The following SYNE1 variants were observed in gnomAD, a reference collection of about 807,000 sequenced individuals.
The protein encoded by SYNE1 is spectrin repeat containing nuclear envelope protein 1, also known as nesprin-1.
In SYNE1, 616 loss-of-function variants were observed where a neutral mutation model predicts 1,111.0. The ratio of observed to expected loss-of-function variants is 0.55; its 90% CI spans 0.52 to 0.59. The LOEUF (loss-of-function observed/expected upper bound fraction) is 0.59, where lower values mean the gene tolerates loss of function less well. Ranked by LOEUF, SYNE1 falls within the 20% of genes least tolerant of loss-of-function variation. The pLI is 0.00. For missense variants in SYNE1, 10,006 were observed against 10,417.0 expected, an observed-to-expected ratio of 0.96 and a Z score of 1.72; for synonymous variants, 3,855 against 3,825.8, an observed-to-expected ratio of 1.01 and a Z score of -0.28.
At chr6:152,267,298 C>T (rs2092804936) in intron 100 of SYNE1, among the ~76,000 whole-genome samples, 1 of 152,070 alleles carries the variant, frequency 6.6e-6, no homozygotes, top group African/African-American at 2.4e-5. Context: ...ACAGAGGTTG[C>T]ATGAAAACTT....
At chr6:152,152,891 G>GTAAATTTACC (rs2060704005) in intron 133 of SYNE1, among the ~76,000 whole-genome samples, 1 of 152,108 alleles carries the variant, frequency 6.6e-6, no homozygotes, top group Admixed American at 6.6e-5. Flanking sequence ...CCCAGGGTCA[G>GTAAATTTACC]TTTAGAGATT....
chr6:152,245,324 C>T (rs1470800865), intron 105 of SYNE1, among the ~76,000 whole-genome samples: 1 of 152,174 alleles, frequency 6.6e-6, no homozygotes, highest in Non-Finnish European at 1.5e-5. Context: ...AAGTACTATA[C>T]TCGATAATGC....
rs749642435 is a variant in SYNE1 at position 152,276,030 on chromosome 6, C to CT, written c.18573+2058dup. On this transcript the variant is annotated intron_variant, in intron 98 of 145. Transcript: ENST00000367255. ...TGTAAAAACTATAAATTCTCGACTT[C>CT]TTTTTTTTTTTTTTTTTTTTTTGAG... Among the ~76,000 whole-genome samples, 398 of 83,982 alleles carry CT rather than the reference C, an allele frequency of 4.7e-3. 3 individuals are homozygous for CT. The highest frequency in any genetic ancestry group is 6.1e-3 in the East Asian group (10 of 1,636). The allele number at this position is 83,982 out of a possible 152,430, so 55.1% of individuals were successfully genotyped here. A position where few individuals can be genotyped will look rare whatever the true frequency, so the allele number is the denominator to read the frequency against.
At chr6:152,504,220 C>A (rs1041193007) in intron 9 of SYNE1, among the ~76,000 whole-genome samples, 2 of 152,006 alleles carry the variant, frequency 1.3e-5, no homozygotes, top group Non-Finnish European at 2.9e-5. Context: ...AGGCAGAAAG[C>A]CCTTTGATAT....
chr6:152,498,598 T>C (rs2099011988), intron 11 of SYNE1, 144 bp downstream of exon 11: 1 of 507,040 alleles, frequency 2.0e-6, no homozygotes, highest in Non-Finnish European at 3.4e-6. Context: ...ATTTGTTCTG[T>C]TAGAAAGGAA....
intron 110 of SYNE1, among the ~76,000 whole-genome samples, chr6:152,235,231 G>A (rs1390565506): frequency 1.3e-5 from 2 of 152,130 alleles, no homozygotes; most frequent in Non-Finnish European, 2.9e-5. Flanking sequence ...GCTTTACTGT[G>A]ATATCTCAGA....
At position 152,407,044 on chromosome 6, in the gene SYNE1, G is replaced by T; in HGVS notation, c.6693C>A (p.Leu2231=). 1.9e-6 allele frequency: 3 copies of T among 1,613,520 alleles called. No homozygotes were observed. Among genetic ancestry groups the T allele is most frequent in the Non-Finnish European group, 2.5e-6 (3 of 1,179,960 alleles). ...ATTCTTTAAGCAGTTCTTCAGCTCT[G>T]AGGTGGTTATCCAGGTTGCTGATGT... ...AENISNLDNH[L]RAEELLKEFE... Residue 2231 remains leucine, a synonymous_variant, in exon 45 of 146, where the codon CTC becomes CTA. Coordinates refer to ENST00000367255, the MANE Select transcript of SYNE1 (RefSeq NM_182961.4).
intron 130 of SYNE1, among the ~76,000 whole-genome samples, chr6:152,169,388 C>T (rs1199381624): frequency 2.0e-5 from 3 of 151,622 alleles, no homozygotes; most frequent in South Asian, 2.1e-4. Context: ...CTGTGAAACC[C>T]TGTCTCTACT....
Position 152,250,206 on chromosome 6 carries a change from G to T in SYNE1, c.19471-944C>A, listed in dbSNP as rs191273090. 1.6e-3 allele frequency among the ~76,000 whole-genome samples: 240 copies of T among 151,884 alleles called. 1 individual carries two copies. Among genetic ancestry groups the T allele is most frequent in the African/African-American group, 5.7e-3 (235 of 41,410 alleles). On this transcript the variant is annotated intron_variant, in intron 104 of 145. Coordinates refer to ENST00000367255, the MANE Select transcript of SYNE1 (RefSeq NM_182961.4). ...TTGAGTTCAGGAGTTTGAGGTTGAA[G>T]TGAGCTATGATCACGCCACTACATG...
chr6:152,355,727 G>A (rs1414548306), intron 66 of SYNE1, among the ~76,000 whole-genome samples: 2 of 152,042 alleles, frequency 1.3e-5, no homozygotes, highest in Non-Finnish European at 2.9e-5. Context: ...AATCTATACT[G>A]TCACTTGATC....
At chr6:152,337,366 A>G (rs1051863496) in intron 75 of SYNE1, among the ~76,000 whole-genome samples, 4 of 151,648 alleles carry the variant, frequency 2.6e-5, no homozygotes, top group Admixed American at 1.3e-4. Flanking sequence ...CTCGGCTCAC[A>G]GCAATCTCTG....
intron 6 of SYNE1, among the ~76,000 whole-genome samples, chr6:152,513,891 T>C (rs1486101455): frequency 6.6e-6 from 1 of 152,142 alleles, no homozygotes; most frequent in East Asian, 1.9e-4. Context: ...TCATCATCAC[T>C]GGTCATTAGA....
chr6:152,189,550 G>T, intron 127 of SYNE1, 143 bp from the exon 128 acceptor site: 1 of 741,684 alleles, frequency 1.3e-6, no homozygotes, highest in Non-Finnish European at 2.2e-6. Flanking sequence ...GCACATCATG[G>T]CAATATTACA....
chr6:152,331,593 T>A lies in SYNE1; in HGVS notation c.13092A>T (p.Gln4364His). 1 of 1,614,098 alleles carries A rather than the reference T, an allele frequency of 6.2e-7. No homozygotes were observed. Among genetic ancestry groups the A allele is most frequent in the Non-Finnish European group, 8.5e-7 (1 of 1,180,018 alleles). The change falls in exon 78 of 146, where the codon CAA (glutamine) becomes CAT (histidine). Residue 4364 changes from glutamine (Q) to histidine (H), a missense_variant. Gln to His is a conservative substitution (Grantham distance 24). Around this residue, in one of 7 missense-constraint regions of SYNE1, gnomAD observed 4,955 missense variants for 5,017.2 expected, o/e 0.99. Transcript: ENST00000367255. Reference sequence around the variant, plus strand: ...GCTTAAGGGCCTCGGCGATGTTGGGTTGTTGCTCTTCTGCCCACTCCATTA... The same window carrying A: ...GCTTAAGGGCCTCGGCGATGTTGGGATGTTGCTCTTCTGCCCACTCCATTA... ...QELMEWAEEQ[Q>H]PNIAEALKQS...
chr6:152,604,998 A>C (rs868430909), intron 3 of SYNE1, among the ~76,000 whole-genome samples: 1 of 26,922 alleles, frequency 3.7e-5, no homozygotes, highest in Non-Finnish European at 6.7e-5. Flanking sequence ...GAAAGAAAGA[A>C]AGAAAGAAAG....
intron 4 of SYNE1, among the ~76,000 whole-genome samples, chr6:152,529,964 A>C (rs2154357376): frequency 6.6e-6 from 1 of 152,314 alleles, no homozygotes; most frequent in East Asian, 1.9e-4. Context: ...TAGCATAAAA[A>C]GATCTATCAA....
At chr6:152,246,994 T>C (rs978520597) in intron 105 of SYNE1, among the ~76,000 whole-genome samples, 2 of 152,234 alleles carry the variant, frequency 1.3e-5, no homozygotes, top group East Asian at 3.8e-4. Flanking sequence ...ACACTTATCA[T>C]GTACCCTTTC....
intron 41 of SYNE1, among the ~76,000 whole-genome samples, chr6:152,415,789 T>TA (rs1209590450): frequency 0.45 from 32,621 of 72,710 alleles, 8,786 homozygotes; most frequent in Non-Finnish European, 0.51. Context: ...TTCAAAGTGG[T>TA]AAAAAAAAAA....
At chr6:152,547,922 G>A (rs1200739338) in intron 3 of SYNE1, among the ~76,000 whole-genome samples, 1 of 152,132 alleles carries the variant, frequency 6.6e-6, no homozygotes, top group Non-Finnish European at 1.5e-5. Context: ...TAATGGATGT[G>A]TTAATTGACT....
Sources: allele counts gnomAD v4.1 joint callset (sites outside exome capture counted in the v4.1 genomes callset), GRCh38; gene constraint gnomAD v4.1.1; regional missense constraint gnomAD v4.1.1; transcripts MANE v1.5; gene names NCBI Gene and HGNC (gene_info 2026-07-23, HGNC 2026-07-21).